Variants in MRPL35 observed in about 807,000 individuals in gnomAD.
MRPL35 encodes the protein mitochondrial ribosomal protein L35.
MRPL35 carries 18 observed loss-of-function variants against 21.6 expected under a neutral mutation model. That is an observed-to-expected ratio of 0.83 (90% CI 0.58 to 1.24). The LOEUF is 1.24. Among genes scored for constraint, MRPL35 ranks in the 50% most tolerant of loss-of-function variants. The pLI, the probability that MRPL35 is intolerant of heterozygous loss-of-function variation, is 0.00. For missense variants in MRPL35, 223 were observed against 223.2 expected, an observed-to-expected ratio of 1.00 and a Z score of 0.01; for synonymous variants, 87 against 86.9, an observed-to-expected ratio of 1.00 and a Z score of -0.01.
chr2:86,209,480 A>G (rs1274136748), intron 3 of MRPL35, among the ~76,000 whole-genome samples: 2 of 152,220 alleles, frequency 1.3e-5, no homozygotes, highest in African/African-American at 4.8e-5. Context: ...TTTATAATCA[A>G]TCAAATTTTC....
chr2:86,212,177 TA>T lies in MRPL35; in HGVS notation c.*1513del. Reference sequence around the variant, plus strand: ...TAAGATGAAATTCCTCTGTTGTTAGTAAAATTATGAAATTGAAGTTCTGCAG... The same window carrying T: ...TAAGATGAAATTCCTCTGTTGTTAGTAAATTATGAAATTGAAGTTCTGCAG... On this transcript the variant is annotated 3_prime_UTR_variant, in exon 4 of 4. Coordinates refer to ENST00000337109, the MANE Select transcript of MRPL35 (RefSeq NM_016622.4). 7.8e-7 allele frequency: 1 copy of T among 1,288,256 alleles called. No homozygotes were observed. The highest frequency in any genetic ancestry group is 2.3e-5 in the South Asian group (1 of 42,684). The allele number at this position is 1,288,256 out of a possible 1,614,324, so 79.8% of individuals were successfully genotyped here.
chr2:86,201,907 T>C (rs1673692796), intron 1 of MRPL35, among the ~76,000 whole-genome samples: 1 of 152,244 alleles, frequency 6.6e-6, no homozygotes, highest in Non-Finnish European at 1.5e-5. Context: ...TCGTCACCTT[T>C]GTACGTCCTA....
chr2:86,199,436 C>T (rs1381719041), upstream of MRPL35: 6 of 1,607,074 alleles, frequency 3.7e-6, no homozygotes, highest in Admixed American at 1.0e-4. Context: ...TCCCTTCATT[C>T]TCTTTTGCTC....
intron 1 of MRPL35, among the ~76,000 whole-genome samples, chr2:86,203,509 G>A (rs1673732946): frequency 6.6e-6 from 1 of 152,134 alleles, no homozygotes; most frequent in Non-Finnish European, 1.5e-5. Flanking sequence ...AGATTTATAT[G>A]AAACAAATGA....
chr2:86,207,066 A>G, intron 2 of MRPL35, 117 bp from the exon 3 acceptor site: 3 of 1,003,296 alleles, frequency 3.0e-6, no homozygotes, highest in Non-Finnish European at 4.3e-6. Context: ...AATATTGTAT[A>G]TGAAAAGTTA....
intron 1 of MRPL35, among the ~76,000 whole-genome samples, chr2:86,201,676 G>A (rs1673686857): frequency 6.6e-6 from 1 of 152,158 alleles, no homozygotes; most frequent in South Asian, 2.1e-4. Flanking sequence ...GGAAATTATA[G>A]CCTTTTTAAC....
chr2:86,208,303 GT>G (rs796254230), intron 3 of MRPL35, among the ~76,000 whole-genome samples: 88 of 142,988 alleles, frequency 6.2e-4, no homozygotes, highest in South Asian at 1.6e-3. Flanking sequence ...GTGTGTATGT[GT>G]TTTTTTTTTT....
rs1425883373 is a variant in MRPL35, at chr2:86,211,229, T to TTA, written c.*562_*563dup. On this transcript the variant is annotated 3_prime_UTR_variant, in exon 4 of 4. Transcript: ENST00000337109. ...ACTTCTCTACACAGCTTTTGCATAC[T>TTA]TACAGTTTCTGTTCCTTTGTAATAA... is the stretch of plus-strand genomic sequence containing the variant. The TTA allele has an allele frequency of 1.1e-6, 1 of 947,466 alleles. No individual in the cohort carries two copies. Among genetic ancestry groups the TTA allele is most frequent in the East Asian group, 1.2e-4 (1 of 8,598 alleles). The allele number at this position is 947,466 out of a possible 1,614,324, so 58.7% of individuals were successfully genotyped here.
chr2:86,212,770 G>C lies in MRPL35; in HGVS notation c.*2102G>C. ...TTCATACATACGATTTTTGTTTTGTGGGTAGGAGGGCTTATCATCAACACT... is the reference window on the plus strand; with the variant it reads ...TTCATACATACGATTTTTGTTTTGTCGGTAGGAGGGCTTATCATCAACACT... On this transcript the variant is annotated 3_prime_UTR_variant, in exon 4 of 4. Transcript: ENST00000337109. 9.1e-7 allele frequency: 1 copy of C among 1,100,996 alleles called. No individual in the cohort carries two copies. The highest frequency in any genetic ancestry group is 4.3e-5 in the South Asian group (1 of 23,018). The allele number at this position is 1,100,996 out of a possible 1,614,324, so 68.2% of individuals were successfully genotyped here. A position where few individuals can be genotyped will look rare whatever the true frequency, so the allele number is the denominator to read the frequency against.
chr2:86,199,564 C>T (rs1241395681), intron 1 of MRPL35, 31 bp downstream of exon 1: 2 of 1,613,484 alleles, frequency 1.2e-6, no homozygotes, highest in Admixed American at 3.3e-5. Flanking sequence ...TCCATGCATG[C>T]CTTCACAGAA....
chr2:86,212,957 G>T lies in MRPL35; in HGVS notation c.*2289G>T. On this transcript the variant is annotated 3_prime_UTR_variant, in exon 4 of 4. Coordinates refer to ENST00000337109, the MANE Select transcript of MRPL35 (RefSeq NM_016622.4). ...TGTCCCAGCATATCTACAAAACTGGGTACATACATACTGTCTAACTGCTAA... is the reference window on the plus strand; with the variant it reads ...TGTCCCAGCATATCTACAAAACTGGTTACATACATACTGTCTAACTGCTAA... The T allele has an allele frequency of 1.4e-6, 1 of 689,708 alleles. No homozygotes were observed. The allele number at this position is 689,708 out of a possible 1,614,324, so 42.7% of individuals were successfully genotyped here. A position where few individuals can be genotyped will look rare whatever the true frequency, so the allele number is the denominator to read the frequency against.
In MRPL35 at chr2:86,212,599, T is replaced by C; in HGVS notation, c.*1931T>C. On this transcript the variant is annotated 3_prime_UTR_variant, in exon 4 of 4. Coordinates refer to ENST00000337109, the MANE Select transcript of MRPL35 (RefSeq NM_016622.4). ...ATTGCAAATATGGATGACAAGGGTC[T>C]CTGTTACAGGGGCCTCAGAGCACCT... 8 of 1,443,552 alleles carry C rather than the reference T, an allele frequency of 5.5e-6. No homozygotes were observed. Among genetic ancestry groups the C allele is most frequent in the Non-Finnish European group, 7.3e-6 (8 of 1,099,666 alleles). The allele number at this position is 1,443,552 out of a possible 1,614,324, so 89.4% of individuals were successfully genotyped here.
chr2:86,212,986 A>G lies in MRPL35; in HGVS notation c.*2318A>G. On this transcript the variant is annotated 3_prime_UTR_variant, in exon 4 of 4. Coordinates refer to ENST00000337109, the MANE Select transcript of MRPL35 (RefSeq NM_016622.4). Reference sequence around the variant, plus strand: ...ATACATACTGTCTAACTGCTAATCCACATTTCCAGTCTTACAAAGGACATA... The same window carrying G: ...ATACATACTGTCTAACTGCTAATCCGCATTTCCAGTCTTACAAAGGACATA... 2.8e-6 allele frequency: 2 copies of G among 720,868 alleles called. No individual in the cohort carries two copies. The highest frequency in any genetic ancestry group is 1.7e-6 in the Non-Finnish European group (1 of 588,700). The allele number at this position is 720,868 out of a possible 1,614,324, so 44.7% of individuals were successfully genotyped here.
At position 86,210,483 on chromosome 2, in the gene MRPL35, G is replaced by T. The variant is rs762542588; in HGVS notation, c.382G>T (p.Gly128Cys). 6.2e-7 allele frequency: 1 copy of T among 1,605,412 alleles called. No individual in the cohort carries two copies. Among genetic ancestry groups the T allele is most frequent in the South Asian group, 1.1e-5 (1 of 89,866 alleles). The change falls in exon 4 of 4, where the codon GGC (glycine) becomes TGC (cysteine). Residue 128 changes from glycine (G) to cysteine (C), a missense_variant. Physicochemically the swap from Gly to Cys is radical, Grantham distance 159. Coordinates refer to ENST00000337109, the MANE Select transcript of MRPL35 (RefSeq NM_016622.4). ...ATTTCTTTGTAATATCTGACAGGCT[G>T]GCTATAAGAAAAAATTATGGAAAAA... Reference protein sequence around the residue: ...HCGLWVRRKAGYKKKLWKKTP... With the variant: ...HCGLWVRRKACYKKKLWKKTP...
At chr2:86,208,576 G>A (rs1293421457) in intron 3 of MRPL35, among the ~76,000 whole-genome samples, 2 of 152,152 alleles carry the variant, frequency 1.3e-5, no homozygotes, top group Admixed American at 1.3e-4. Flanking sequence ...CAAAGTGCTG[G>A]GATTACAGGC....
At chr2:86,207,061 T>C in intron 2 of MRPL35, 122 bp from the exon 3 acceptor site, 7 of 942,264 alleles carry the variant, frequency 7.4e-6, no homozygotes, top group Non-Finnish European at 1.1e-5. Context: ...GAAGTAATAT[T>C]GTATATGAAA....
intron 1 of MRPL35, among the ~76,000 whole-genome samples, chr2:86,204,132 A>T (rs898678150): frequency 6.6e-6 from 1 of 151,738 alleles, no homozygotes; most frequent in African/African-American, 2.4e-5. Context: ...TTATAGGCGC[A>T]CACCACCACA....
chr2:86,202,084 C>T (rs1277656962), intron 1 of MRPL35, among the ~76,000 whole-genome samples: 2 of 152,184 alleles, frequency 1.3e-5, no homozygotes, highest in African/African-American at 4.8e-5. Flanking sequence ...CCTTGATGTA[C>T]TGCACTTTTG....
chr2:86,212,246 G>T lies in MRPL35; in HGVS notation c.*1578G>T. The T allele has an allele frequency of 1.4e-6, 2 of 1,384,432 alleles. No individual in the cohort carries two copies. Among genetic ancestry groups the T allele is most frequent in the Non-Finnish European group, 1.9e-6 (2 of 1,066,204 alleles). 85.8% of individuals were successfully genotyped at this position (1,384,432 alleles called of 1,614,324 possible). ...ATTAGGGAGATTCCTCGAAACTAGT[G>T]TGTGTTTATTAAAAGGAGAAAGGAT... On this transcript the variant is annotated 3_prime_UTR_variant, in exon 4 of 4. Transcript: ENST00000337109.
Sources: allele counts gnomAD v4.1 joint callset (sites outside exome capture counted in the v4.1 genomes callset), GRCh38; gene constraint gnomAD v4.1.1; transcripts MANE v1.5; gene names NCBI Gene and HGNC (gene_info 2026-07-23, HGNC 2026-07-21).